The following TAFA2 variants were observed in gnomAD, a reference collection of about 807,000 sequenced individuals.
The protein encoded by TAFA2 is TAFA chemokine like family member 2.
Under a neutral mutation model 18.8 loss-of-function variants are expected in TAFA2, and 7 were observed. The observed-to-expected ratio is 0.37, with a 90% CI of 0.21 to 0.70. The LOEUF is 0.70. Among genes scored for constraint, TAFA2 ranks in the 30% least tolerant of loss-of-function variants. The pLI is 0.53. For synonymous variants in TAFA2, 60 were observed against 54.2 expected, an observed-to-expected ratio of 1.11 and a Z score of -0.47; for missense variants, 122 against 158.1, an observed-to-expected ratio of 0.77 and a Z score of 1.23.
At chr12:61,829,558 G>T (rs1872640485) in intron 2 of TAFA2, among the ~76,000 whole-genome samples, 1 of 151,498 alleles carries the variant, frequency 6.6e-6, no homozygotes, top group African/African-American at 2.4e-5. Context: ...ATAGTGAAAG[G>T]TGTTAATTTC....
chr12:61,783,632 A>G (rs190619179), intron 2 of TAFA2, among the ~76,000 whole-genome samples: 8 of 151,734 alleles, frequency 5.3e-5, no homozygotes, highest in African/African-American at 1.7e-4. Flanking sequence ...TTATTAATAG[A>G]AAAGCACTTC....
intron 1 of TAFA2, among the ~76,000 whole-genome samples, chr12:62,048,330 T>C (rs1198474105): frequency 6.6e-6 from 1 of 152,176 alleles, no homozygotes; most frequent in Non-Finnish European, 1.5e-5. Flanking sequence ...GAAGAGCCTC[T>C]TATAAAACTA....
intron 1 of TAFA2, among the ~76,000 whole-genome samples, chr12:61,991,187 G>A (rs899031051): frequency 5.3e-5 from 8 of 152,148 alleles, no homozygotes; most frequent in South Asian, 4.1e-4. Flanking sequence ...TTTCCTTACC[G>A]TCAAAATGTG....
intron 1 of TAFA2, among the ~76,000 whole-genome samples, chr12:62,251,173 T>A (rs1329543253): frequency 2.6e-5 from 4 of 152,124 alleles, no homozygotes; most frequent in Non-Finnish European, 5.9e-5. Flanking sequence ...TATAGGAGGC[T>A]GGAATAATGA....
intron 1 of TAFA2, among the ~76,000 whole-genome samples, chr12:62,014,807 T>C (rs1411728467): frequency 6.6e-6 from 1 of 152,118 alleles, no homozygotes; most frequent in East Asian, 1.9e-4. Context: ...TGATAATTCT[T>C]ATGACCAACC....
chr12:62,228,710 A>AGC (rs1565783871), intron 1 of TAFA2, among the ~76,000 whole-genome samples: 2 of 152,094 alleles, frequency 1.3e-5, no homozygotes, highest in Non-Finnish European at 2.9e-5. Context: ...GTTATTCAGG[A>AGC]TCATTTGTGC....
At chr12:62,221,222 GA>G (rs1455139462) in intron 1 of TAFA2, among the ~76,000 whole-genome samples, 6 of 126,190 alleles carry the variant, frequency 4.8e-5, no homozygotes, top group Admixed American at 3.0e-4. Flanking sequence ...AGGGGGGAAG[GA>G]AGGAAGGAAG....
In TAFA2 at chr12:61,760,606, T is replaced by TA. The variant is rs539690680; in HGVS notation, c.107-5583dup. Among the ~76,000 whole-genome samples, 324 of 151,820 alleles carry TA rather than the reference T, an allele frequency of 2.1e-3. 1 individual carries two copies. Among genetic ancestry groups the TA allele is most frequent in the African/African-American group, 7.3e-3 (304 of 41,476 alleles). On this transcript the variant is annotated intron_variant, in intron 2 of 4. Transcript: ENST00000416284. Reference sequence around the variant, plus strand: ...TTTAATAAATGGTAAACAAGCAATTTAAAAAGATAAAACTAATTCCTGTGG... The same window carrying TA: ...TTTAATAAATGGTAAACAAGCAATTTAAAAAAGATAAAACTAATTCCTGTGG...
At chr12:61,990,165 T>A (rs1308866152) in intron 1 of TAFA2, among the ~76,000 whole-genome samples, 4 of 151,910 alleles carry the variant, frequency 2.6e-5, no homozygotes, top group Admixed American at 6.6e-5. Context: ...GGAAAAAAAA[T>A]TCAAGACAGC....
intron 1 of TAFA2, among the ~76,000 whole-genome samples, chr12:61,915,701 A>T (rs1322214626): frequency 6.6e-6 from 1 of 152,080 alleles, no homozygotes; most frequent in Non-Finnish European, 1.5e-5. Context: ...TAAGTCCCAG[A>T]CTCCGAAAGC....
chr12:62,161,561 G>A (rs955022861), intron 1 of TAFA2, among the ~76,000 whole-genome samples: 1 of 152,120 alleles, frequency 6.6e-6, no homozygotes, highest in Non-Finnish European at 1.5e-5. Flanking sequence ...TGAGAGGGCA[G>A]GAGGGGGTGA....
chr12:61,895,685 CAG>C (rs1464833344), intron 1 of TAFA2, among the ~76,000 whole-genome samples: 9 of 152,164 alleles, frequency 5.9e-5, no homozygotes, highest in African/African-American at 2.2e-4. Flanking sequence ...GCAATCTCTT[CAG>C]AGAGTGAACG....
intron 1 of TAFA2, among the ~76,000 whole-genome samples, chr12:62,047,110 A>T (rs1219429053): frequency 6.6e-6 from 1 of 152,132 alleles, no homozygotes; most frequent in Non-Finnish European, 1.5e-5. Flanking sequence ...CAGGAACTGA[A>T]GCATCAACAA....
upstream of TAFA2, chr12:62,259,773 G>C (rs1022462778): frequency 2.0e-5 from 3 of 152,784 alleles, no homozygotes; most frequent in African/African-American, 4.8e-5. Flanking sequence ...GTGTGCCTGG[G>C]GAGGCGTCAC....
chr12:62,123,664 T>C (rs1870312601), intron 1 of TAFA2, among the ~76,000 whole-genome samples: 2 of 119,786 alleles, frequency 1.7e-5, no homozygotes, highest in South Asian at 6.5e-4. Flanking sequence ...TTATACTTCT[T>C]CATTCTACTT....
intron 1 of TAFA2, among the ~76,000 whole-genome samples, chr12:62,065,490 A>T (rs2136794382): frequency 6.6e-6 from 1 of 152,198 alleles, no homozygotes; most frequent in Non-Finnish European, 1.5e-5. Context: ...TGTTGAAAAA[A>T]TGTGCACTTG....
At chr12:61,766,849 G>A (rs958164570) in intron 2 of TAFA2, among the ~76,000 whole-genome samples, 29 of 152,060 alleles carry the variant, frequency 1.9e-4, no homozygotes, top group Admixed American at 1.8e-3. Flanking sequence ...TTGTCTCTTT[G>A]TGAATATGTG....
intron 1 of TAFA2, among the ~76,000 whole-genome samples, chr12:62,217,978 T>G (rs905320518): frequency 2.4e-4 from 25 of 104,252 alleles, no homozygotes; most frequent in Middle Eastern, 6.8e-3. Context: ...ATTTATTTAT[T>G]TATTTATTTA....
At chr12:61,753,541 CACTTAAATTGGTT>C in intron 4 of TAFA2, 68 bp downstream of exon 4, 1 of 1,278,676 alleles carries the variant, frequency 7.8e-7, no homozygotes, top group Non-Finnish European at 1.1e-6. Context: ...CCACAATTGC[CACTTAAATTGGTT>C]ACTGCACAAG....
Sources: allele counts gnomAD v4.1 joint callset (sites outside exome capture counted in the v4.1 genomes callset), GRCh38; gene constraint gnomAD v4.1.1; transcripts MANE v1.5; gene names NCBI Gene and HGNC (gene_info 2026-07-23, HGNC 2026-07-21).